The following KCNK2 variants were observed in gnomAD, a reference collection of about 807,000 sequenced individuals.
The protein encoded by KCNK2 is potassium channel subfamily K member 2.
Under a neutral mutation model 40.5 loss-of-function variants are expected in KCNK2, and 21 were observed. The observed-to-expected ratio is 0.52, with a 90% CI of 0.37 to 0.75. The LOEUF (loss-of-function observed/expected upper bound fraction) is 0.75, where lower values mean the gene tolerates loss of function less well. Ranked by LOEUF, KCNK2 falls within the 30% of genes least tolerant of loss-of-function variation. KCNK2 has a pLI of 0.00. For missense variants in KCNK2, 399 were observed against 531.6 expected (o/e 0.75, Z 2.45); for synonymous variants, 191 against 202.2 (o/e 0.94, Z 0.47).
chr1:215,209,476 T>TTATATATAATATATATTATATATTA (rs370130203), intron 6 of KCNK2, among the ~76,000 whole-genome samples: 4 of 43,194 alleles, frequency 9.3e-5, no homozygotes, highest in African/African-American at 2.0e-4. Flanking sequence ...ATAATATATA[T>TTATATATAATATATATTATATATTA]TATATATAAT....
At chr1:215,034,147 T>A (rs1015109308) in intron 1 of KCNK2, among the ~76,000 whole-genome samples, 2 of 152,206 alleles carry the variant, frequency 1.3e-5, no homozygotes, top group Admixed American at 6.5e-5. Flanking sequence ...AGTTGTTGAC[T>A]TTTTTAGTTT....
At chr1:215,230,092 TACACACACACACAC>T (rs59050433) in intron 6 of KCNK2, among the ~76,000 whole-genome samples, 1,855 of 141,240 alleles carry the variant, frequency 0.013, 52 homozygotes, top group African/African-American at 0.047. Flanking sequence ...TGTGTGTGTA[TACACACACACACAC>T]ACACACACAC....
chr1:215,212,059 A>C (rs1665766028), intron 6 of KCNK2, among the ~76,000 whole-genome samples: 1 of 152,170 alleles, frequency 6.6e-6, no homozygotes, highest in South Asian at 2.1e-4. Context: ...ATGTTTTAAT[A>C]AAGAAAATCT....
At chr1:215,151,650 C>T (rs12091926) in intron 3 of KCNK2, among the ~76,000 whole-genome samples, 3 of 152,010 alleles carry the variant, frequency 2.0e-5, no homozygotes, top group African/African-American at 7.2e-5. Flanking sequence ...CTCTTCATTC[C>T]TCCAGGTCTT....
chr1:215,017,624 A>C (rs1656637528), intron 1 of KCNK2, among the ~76,000 whole-genome samples: 1 of 152,116 alleles, frequency 6.6e-6, no homozygotes, highest in Non-Finnish European at 1.5e-5. Flanking sequence ...AAAGGATACA[A>C]AATTTCAGTT....
chr1:215,156,607 A>G lies in KCNK2; in HGVS notation c.476-12592A>G, dbSNP rs116887491. ...TGTATTAGTCCATTCTCATATGGCT[A>G]TAATGAACTACCTGAGACTGGGTAA... On this transcript the variant is annotated intron_variant, in intron 3 of 6. Coordinates refer to ENST00000444842, the MANE Select transcript of KCNK2 (RefSeq NM_001017425.3). 1.2e-4 allele frequency among the ~76,000 whole-genome samples: 19 copies of G among 152,320 alleles called. No individual in the cohort carries two copies. In the East Asian group the frequency reaches 3.5e-3, roughly 28 times the overall value.
At chr1:215,170,740 G>T (rs949724831) in intron 4 of KCNK2, among the ~76,000 whole-genome samples, 2 of 152,008 alleles carry the variant, frequency 1.3e-5, no homozygotes, top group East Asian at 3.8e-4. Context: ...TTATTTAAAA[G>T]AATTATCTGT....
intron 1 of KCNK2, among the ~76,000 whole-genome samples, chr1:215,037,127 A>G (rs1325799025): frequency 6.7e-6 from 1 of 150,312 alleles, no homozygotes; most frequent in Non-Finnish European, 1.5e-5. Flanking sequence ...TCAATATTTC[A>G]TTATTAAATG....
chr1:215,070,148 T>C (rs1003664381), intron 1 of KCNK2, among the ~76,000 whole-genome samples: 13 of 152,004 alleles, frequency 8.6e-5, no homozygotes, highest in East Asian at 3.9e-4. Context: ...CGGTGGCTCA[T>C]GCCTGTAATC....
intron 6 of KCNK2, among the ~76,000 whole-genome samples, chr1:215,232,723 A>G (rs865937839): frequency 2.6e-5 from 4 of 152,280 alleles, no homozygotes; most frequent in Middle Eastern, 3.4e-3. Flanking sequence ...AAAAAAGAAG[A>G]CAATTACCAA....
chr1:215,183,822 C>CA (rs1267902370), intron 5 of KCNK2, among the ~76,000 whole-genome samples: 1 of 152,072 alleles, frequency 6.6e-6, no homozygotes, highest in Non-Finnish European at 1.5e-5. Flanking sequence ...TTCCTTGACG[C>CA]AAATTTCTTA....
chr1:215,182,694 T>G (rs1664276897), intron 5 of KCNK2, among the ~76,000 whole-genome samples: 1 of 152,148 alleles, frequency 6.6e-6, no homozygotes, highest in South Asian at 2.1e-4. Flanking sequence ...GAGCAAGCAC[T>G]CCAGTCTCTG....
At chr1:215,224,907 G>A (rs1666322963) in intron 6 of KCNK2, among the ~76,000 whole-genome samples, 1 of 151,974 alleles carries the variant, frequency 6.6e-6, no homozygotes, top group African/African-American at 2.4e-5. Context: ...ATTCCTAGGG[G>A]CAATTGCAGT....
chr1:215,080,901 A>G (rs2363558), upstream of KCNK2, among the ~76,000 whole-genome samples: 113,919 of 152,172 alleles, frequency 0.75, 43,122 homozygotes, highest in Non-Finnish European at 0.77. Context: ...AAGGTGTTTC[A>G]TAAATGTGTT....
chr1:215,008,045 A>G (rs752315817), intron 1 of KCNK2, among the ~76,000 whole-genome samples: 4 of 151,974 alleles, frequency 2.6e-5, no homozygotes, highest in Admixed American at 1.3e-4. Flanking sequence ...GGCTAAAAGC[A>G]TCTGGATTTA....
chr1:215,037,209 A>G (rs886857304), intron 1 of KCNK2, among the ~76,000 whole-genome samples: 21 of 151,802 alleles, frequency 1.4e-4, no homozygotes, highest in African/African-American at 5.1e-4. Flanking sequence ...TCTGGTTTAG[A>G]AAATTGCTGA....
Position 215,117,090 on chromosome 1 carries a change from C to T in KCNK2, c.358-7543C>T, listed in dbSNP as rs1021811868. ...GTGGAATGTAACTTTGTGATTTCTG[C>T]ATTTTATATTTAGACAGATGCCTCT... On this transcript the variant is annotated intron_variant, in intron 2 of 6. Coordinates refer to ENST00000444842, the MANE Select transcript of KCNK2 (RefSeq NM_001017425.3). Among the ~76,000 whole-genome samples, 72 of 151,890 alleles carry T rather than the reference C, an allele frequency of 4.7e-4. 1 individual carries two copies. Among genetic ancestry groups the T allele is most frequent in the African/African-American group, 1.7e-3 (72 of 41,356 alleles).
At chr1:215,081,392 A>G (rs373453162), upstream of KCNK2, among the ~76,000 whole-genome samples, 62 of 152,228 alleles carry the variant, frequency 4.1e-4, 1 homozygote, top group South Asian at 0.012. Context: ...TCAGATTCAC[A>G]TTTTAGAAAG....
intron 1 of KCNK2, among the ~76,000 whole-genome samples, chr1:215,051,739 G>A (rs1657997335): frequency 6.6e-6 from 1 of 152,140 alleles, no homozygotes; most frequent in Admixed American, 6.5e-5. Flanking sequence ...ATCCGTATAT[G>A]GCTAGAGTGA....
Sources: gnomAD v4.1 joint callset for allele counts (sites outside exome capture counted in the v4.1 genomes callset) on GRCh38, gnomAD v4.1.1 for gene constraint, MANE v1.5 for transcripts, NCBI Gene and HGNC (gene_info 2026-07-23, HGNC 2026-07-21) for gene names.